VKORC1L1: variants seen among roughly 807,000 people sequenced by gnomAD.
The protein encoded by VKORC1L1 is vitamin K epoxide reductase complex subunit 1-like protein 1.
A neutral mutation model predicts 18.9 loss-of-function variants in VKORC1L1; 2 were observed. That is an observed-to-expected ratio of 0.11 (90% confidence interval 0.04 to 0.33). VKORC1L1 has a LOEUF of 0.33. VKORC1L1 is among the 10% of genes least tolerant of loss of function. VKORC1L1 has a pLI of 1.00. For synonymous variants in VKORC1L1, 96 were observed against 100.0 expected, an observed-to-expected ratio of 0.96 and a Z score of 0.24; for missense variants, 123 against 224.1, an observed-to-expected ratio of 0.55 and a Z score of 2.88.
intron 2 of VKORC1L1, among the ~76,000 whole-genome samples, chr7:65,953,802 G>A (rs1304278852): frequency 2.0e-5 from 3 of 152,184 alleles, no homozygotes; most frequent in Non-Finnish European, 2.9e-5. Flanking sequence ...GGAGGTAGAG[G>A]TTGCATGAGT....
chr7:65,908,508 G>T (rs1378222777), intron 1 of VKORC1L1, among the ~76,000 whole-genome samples: 2 of 151,922 alleles, frequency 1.3e-5, no homozygotes, highest in Admixed American at 6.6e-5. Flanking sequence ...AGGCTAGCCT[G>T]GTATTTCTCA....
chr7:65,885,540 AT>A lies in VKORC1L1; in HGVS notation c.194+11982del, dbSNP rs111592434. Among the ~76,000 whole-genome samples the A allele has an allele frequency of 2.5e-3, 382 of 151,756 alleles. 3 individuals carry two copies. The highest frequency in any genetic ancestry group is 8.7e-3 in the African/African-American group (361 of 41,414). On this transcript the variant is annotated intron_variant, in intron 1 of 2. Coordinates refer to ENST00000360768, the MANE Select transcript of VKORC1L1 (RefSeq NM_173517.6). The stretch of plus-strand genomic sequence containing the variant: ...ATTTTCATATATTTTATGTGAAAAA[AT>A]TTTTTTCACACTGAGCTCTTTTAGT...
intron 1 of VKORC1L1, among the ~76,000 whole-genome samples, chr7:65,885,087 G>A (rs958404205): frequency 2.6e-5 from 4 of 152,134 alleles, no homozygotes; most frequent in African/African-American, 9.7e-5. Flanking sequence ...TATGTAATTT[G>A]TTAGTTCTGA....
Position 65,952,491 on chromosome 7 carries a change from G to A in VKORC1L1, c.305-1583G>A, listed in dbSNP as rs577130528. Among the ~76,000 whole-genome samples, 3 of 152,148 alleles carry A rather than the reference G, an allele frequency of 2.0e-5. No individual in the cohort carries two copies. The East Asian group carries it at 5.8e-4, about 29-fold the overall frequency. On this transcript the variant is annotated intron_variant, in intron 2 of 2. Coordinates refer to ENST00000360768, the MANE Select transcript of VKORC1L1 (RefSeq NM_173517.6). ...TATGAAAGCATCTAGGCCCGTGGCTGTGCGGCAGCCGGCCCACAGGCGTCT... is the reference window on the plus strand; with the variant it reads ...TATGAAAGCATCTAGGCCCGTGGCTATGCGGCAGCCGGCCCACAGGCGTCT...
intron 1 of VKORC1L1, among the ~76,000 whole-genome samples, chr7:65,929,682 G>GTATATATATATATATATATATA (rs34648135): frequency 1.5e-3 from 195 of 128,522 alleles, no homozygotes; most frequent in Middle Eastern, 4.2e-3. Flanking sequence ...GTGTGTGTGT[G>GTATATATATATATATATATATA]TATATATATA....
chr7:65,922,605 A>G (rs1483601470), intron 1 of VKORC1L1, among the ~76,000 whole-genome samples: 1 of 120,526 alleles, frequency 8.3e-6, no homozygotes, highest in African/African-American at 2.9e-5. Context: ...CTTTTGCCTG[A>G]AGAACTTCCT....
intron 1 of VKORC1L1, among the ~76,000 whole-genome samples, chr7:65,921,720 C>T (rs975552294): frequency 2.0e-5 from 3 of 151,974 alleles, no homozygotes; most frequent in African/African-American, 4.8e-5. Flanking sequence ...TGGTGGCGGG[C>T]GCCTGTAGTC....
chr7:65,913,726 C>CA (rs566592339), intron 1 of VKORC1L1, among the ~76,000 whole-genome samples: 12,730 of 73,208 alleles, frequency 0.17, 1,418 homozygotes, highest in East Asian at 0.48. Flanking sequence ...GACTCTGTCT[C>CA]AAAAAAAAAA....
At chr7:65,903,824 C>T (rs893783002) in intron 1 of VKORC1L1, among the ~76,000 whole-genome samples, 24 of 150,244 alleles carry the variant, frequency 1.6e-4, no homozygotes, top group East Asian at 7.8e-4. Flanking sequence ...AGCAGACCTG[C>T]ACAAGAAGTG....
In VKORC1L1 at chr7:65,956,275, T is replaced by C. The variant is rs1179588423; in HGVS notation, c.*1975T>C. ...ACCAAGGCAGTCCTCTGGTTCTTTT[T>C]TCTAAGCTACAGTGGAAATGGCCTA... On this transcript the variant is annotated 3_prime_UTR_variant, in exon 3 of 3. Transcript: ENST00000360768. The C allele has an allele frequency of 6.6e-6, 1 of 152,256 alleles. No individual in the cohort carries two copies. Among genetic ancestry groups the C allele is most frequent in the Non-Finnish European group, 1.5e-5 (1 of 68,046 alleles). The allele number at this position is 152,256 out of a possible 1,614,324, so 9.4% of individuals were successfully genotyped here.
chr7:65,902,735 T>G (rs1030791105), intron 1 of VKORC1L1, among the ~76,000 whole-genome samples: 8 of 151,986 alleles, frequency 5.3e-5, no homozygotes, highest in African/African-American at 1.9e-4. Context: ...AGAGAAAATC[T>G]TGAAAGCAGG....
intron 1 of VKORC1L1, among the ~76,000 whole-genome samples, chr7:65,874,007 C>T (rs1480383084): frequency 6.6e-6 from 1 of 152,146 alleles, no homozygotes; most frequent in Non-Finnish European, 1.5e-5. Flanking sequence ...TCTTGTCCCC[C>T]CGATCGCTGC....
intron 1 of VKORC1L1, 141 bp from the exon 2 acceptor site, chr7:65,948,530 A>G: frequency 3.3e-6 from 1 of 305,078 alleles, no homozygotes; most frequent in Non-Finnish European, 5.7e-6. Context: ...TCTTTGGGGC[A>G]AATCACTCTC....
In VKORC1L1 at chr7:65,898,602, T is replaced by C. The variant is rs569583894; in HGVS notation, c.194+25037T>C. ...GGAAGATATGCTAACACTGGCTGTCTCTGAGGAGTGGAACCGAGTGGCCAG... is the reference window on the plus strand; with the variant it reads ...GGAAGATATGCTAACACTGGCTGTCCCTGAGGAGTGGAACCGAGTGGCCAG... On this transcript the variant is annotated intron_variant, in intron 1 of 2. Transcript: ENST00000360768. 7.2e-5 allele frequency among the ~76,000 whole-genome samples: 11 copies of C among 152,320 alleles called. 1 individual carries two copies. The Middle Eastern group carries it at 0.014, about 188-fold the overall frequency.
At position 65,876,777 on chromosome 7, in the gene VKORC1L1, G is replaced by GCT. The variant is rs1392500571; in HGVS notation, c.194+3214_194+3215dup. On this transcript the variant is annotated intron_variant, in intron 1 of 2. Coordinates refer to ENST00000360768, the MANE Select transcript of VKORC1L1 (RefSeq NM_173517.6). ...CACCTACTTAGGGCCTGGTGCAGTG[G>GCT]CTCACACCTGTAATCCCAGCAGTTT... Among the ~76,000 whole-genome samples the GCT allele has an allele frequency of 2.0e-5, 3 of 152,162 alleles. No homozygotes were observed. The East Asian group carries it at 5.8e-4, about 29-fold the overall frequency.
At chr7:65,887,637 C>G (rs917407477) in intron 1 of VKORC1L1, among the ~76,000 whole-genome samples, 7 of 152,120 alleles carry the variant, frequency 4.6e-5, no homozygotes, top group African/African-American at 1.7e-4. Flanking sequence ...CAGCACAGCC[C>G]TAGTACATAG....
chr7:65,889,713 G>T (rs1562984427), intron 1 of VKORC1L1, among the ~76,000 whole-genome samples: 1 of 152,078 alleles, frequency 6.6e-6, no homozygotes, highest in Non-Finnish European at 1.5e-5. Flanking sequence ...CCTCTGTCCT[G>T]ACTTTTATGA....
chr7:65,888,977 A>G (rs1789061982), intron 1 of VKORC1L1, among the ~76,000 whole-genome samples: 1 of 150,868 alleles, frequency 6.6e-6, no homozygotes, highest in Non-Finnish European at 1.5e-5. Flanking sequence ...GTCCTCCCCA[A>G]CCCCCCAACT....
intron 1 of VKORC1L1, among the ~76,000 whole-genome samples, chr7:65,896,029 G>A (rs1393377408): frequency 6.7e-6 from 1 of 150,168 alleles, no homozygotes; most frequent in African/African-American, 2.5e-5. Flanking sequence ...CCAAGTAGCT[G>A]GGATTACAGG....
Sources: allele counts gnomAD v4.1 joint callset (sites outside exome capture counted in the v4.1 genomes callset), GRCh38; gene constraint gnomAD v4.1.1; transcripts MANE v1.5; gene names NCBI Gene and HGNC (gene_info 2026-07-23, HGNC 2026-07-21).